The following TIMM44 variants were observed in gnomAD, a reference collection of about 807,000 sequenced individuals.
TIMM44 encodes mitochondrial import inner membrane translocase subunit TIM44.
A neutral mutation model predicts 63.8 loss-of-function variants in TIMM44; 37 were observed. That is an observed-to-expected ratio of 0.58 (90% CI 0.45 to 0.76). The LOEUF is 0.76. Ranked by LOEUF, TIMM44 falls within the 30% of genes least tolerant of loss-of-function variation. The pLI is 0.00. For missense variants in TIMM44, 573 were observed against 603.8 expected, an observed-to-expected ratio of 0.95 and a Z score of 0.54; for synonymous variants, 239 against 245.1, an observed-to-expected ratio of 0.98 and a Z score of 0.23.
At position 7,938,030 on chromosome 19, in the gene TIMM44, T is replaced by A; in HGVS notation, c.309A>T (p.Lys103Asn). 1 of 1,614,012 alleles carries A rather than the reference T, an allele frequency of 6.2e-7. No homozygotes were observed. Among genetic ancestry groups the A allele is most frequent in the South Asian group, 1.1e-5 (1 of 91,082 alleles). Residue 103 changes from lysine (K) to asparagine (N), a missense_variant, in exon 3 of 13, where the codon AAA becomes AAT. By Grantham distance (94) the Lys-to-Asn change is moderately conservative. Transcript: ENST00000270538. Reference protein sequence around the residue: ...ESDVLQEARRKYKTIESETVR... With the variant: ...ESDVLQEARRNYKTIESETVR... The stretch of plus-strand genomic sequence containing the variant: ...AAAAAGCAGCAAAGAAACTCACGTA[T>A]TTCCTTCTGGCCTCCTGGAGCACGT...
rs1206317938 is a variant in TIMM44 at position 7,932,868 on chromosome 19, G to C, written c.834C>G (p.Ala278=). The C allele has an allele frequency of 1.9e-6, 3 of 1,614,220 alleles. No individual in the cohort carries two copies. The highest frequency in any genetic ancestry group is 2.5e-6 in the Non-Finnish European group (3 of 1,180,034). ...SDNAFIRASR[A]LTDKVTDLLG... The stretch of plus-strand genomic sequence containing the variant: ...GCAAGTCGGTGACCTTGTCCGTAAG[G>C]GCCCGGGATGCCCGGATGAACGCGT... The change falls in exon 8 of 13, where the codon GCC becomes GCG. Residue 278 remains alanine (A), a synonymous_variant. Coordinates refer to ENST00000270538, the MANE Select transcript of TIMM44 (RefSeq NM_006351.4).
At chr19:7,928,403 A>C (rs904762548) in intron 10 of TIMM44, 1 of 546,232 alleles carries the variant, frequency 1.8e-6, no homozygotes, top group Non-Finnish European at 3.3e-6. Flanking sequence ...AAACAGGATT[A>C]ATCAGCAAAG....
intron 3 of TIMM44, among the ~76,000 whole-genome samples, chr19:7,936,739 G>C (rs544872350): frequency 6.6e-6 from 1 of 152,136 alleles, no homozygotes; most frequent in South Asian, 2.1e-4. Flanking sequence ...AAGCTGAGAC[G>C]GGCAGATCAC....
In TIMM44 at chr19:7,934,487, G is replaced by GGCACCCCCAGAGCCACGAGCACACCA. The variant is rs1211161683; in HGVS notation, c.394-250_394-249insTGGTGTGCTCGTGGCTCTGGGGGTGC. Reference sequence around the variant, plus strand: ...GCACCCCCAGAGCCATGAGCACACCGGCACCCCCAGAGCCATGAGCACACC... The same window carrying GGCACCCCCAGAGCCACGAGCACACCA: ...GCACCCCCAGAGCCATGAGCACACCGGCACCCCCAGAGCCACGAGCACACCAGCACCCCCAGAGCCATGAGCACACC... On this transcript the variant is annotated intron_variant, in intron 4 of 12. Coordinates refer to ENST00000270538, the MANE Select transcript of TIMM44 (RefSeq NM_006351.4). The surrounding 1 kb of genome is among the most constrained non-coding windows in gnomAD (Gnocchi z 5.3). 5.2e-3 allele frequency among the ~76,000 whole-genome samples: 778 copies of GGCACCCCCAGAGCCACGAGCACACCA among 148,240 alleles called. 10 individuals carry two copies. Among genetic ancestry groups the GGCACCCCCAGAGCCACGAGCACACCA allele is most frequent in the African/African-American group, 0.015 (577 of 39,266 alleles).
chr19:7,927,622 G>A (rs1268671772), intron 12 of TIMM44, 35 bp downstream of exon 12: 1 of 1,581,510 alleles, frequency 6.3e-7, no homozygotes, highest in African/African-American at 1.3e-5. Flanking sequence ...GACAGGCGGT[G>A]TCATGTGCCT....
intron 11 of TIMM44, 88 bp downstream of exon 11, chr19:7,927,988 AG>A: frequency 7.5e-7 from 1 of 1,333,502 alleles, no homozygotes; most frequent in Non-Finnish European, 1.1e-6. Context: ...CATGGCCCCC[AG>A]CCCCTGGCAA....
intron 3 of TIMM44, among the ~76,000 whole-genome samples, chr19:7,936,169 G>A (rs573126680): frequency 4.4e-4 from 67 of 151,820 alleles, no homozygotes; most frequent in Admixed American, 9.2e-4. Context: ...AACCAAACTA[G>A]GCTGGGCACG....
intron 3 of TIMM44, 89 bp from the exon 4 acceptor site, chr19:7,935,234 C>A (rs928296841): frequency 1.7e-6 from 2 of 1,170,510 alleles, no homozygotes; most frequent in Admixed American, 2.1e-5. Flanking sequence ...GGCACGCTCT[C>A]GGCTCACTGC....
At chr19:7,935,360 T>C (rs1436681795) in intron 3 of TIMM44, 1 of 538,482 alleles carries the variant, frequency 1.9e-6, no homozygotes, top group African/African-American at 1.9e-5. Flanking sequence ...AGACAGGGTT[T>C]TACCACGTTG....
intron 10 of TIMM44, among the ~76,000 whole-genome samples, chr19:7,930,101 A>G (rs1488129692): frequency 3.3e-5 from 5 of 151,824 alleles, no homozygotes; most frequent in Non-Finnish European, 7.4e-5. Context: ...CGCCCGCCTC[A>G]GCCTCCCAAG....
chr19:7,931,219 CGA>C (rs749877828), intron 9 of TIMM44, 31 bp from the exon 10 acceptor site: 6 of 1,604,250 alleles, frequency 3.7e-6, no homozygotes, highest in Non-Finnish European at 4.3e-6. Flanking sequence ...AGCACCAGAA[CGA>C]GAGTGGGCTT....
chr19:7,931,545 C>T (rs934371975), intron 9 of TIMM44: 7 of 341,304 alleles, frequency 2.1e-5, no homozygotes, highest in Non-Finnish European at 3.4e-5. Flanking sequence ...GACCCAACTC[C>T]GGCTCCCGCA....
At chr19:7,930,186 G>GCT (rs1983939314) in intron 10 of TIMM44, among the ~76,000 whole-genome samples, 1 of 151,964 alleles carries the variant, frequency 6.6e-6, no homozygotes, top group South Asian at 2.1e-4. Context: ...TGTCACCCAG[G>GCT]CTGGAGTGCT....
At chr19:7,935,462 G>A (rs1314108329) in intron 3 of TIMM44, among the ~76,000 whole-genome samples, 1 of 152,188 alleles carries the variant, frequency 6.6e-6, no homozygotes, top group Admixed American at 6.5e-5. Context: ...ACTGTGCCTG[G>A]CCAACCGTTG....
chr19:7,930,008 C>T (rs1204152874), intron 10 of TIMM44, among the ~76,000 whole-genome samples: 2 of 151,804 alleles, frequency 1.3e-5, no homozygotes, highest in Non-Finnish European at 2.9e-5. Context: ...ACCACCAGGC[C>T]TGGCTAATTT....
chr19:7,934,477 T>G lies in TIMM44; in HGVS notation c.394-239A>C, dbSNP rs55932674. On this transcript the variant is annotated intron_variant, in intron 4 of 12. Coordinates refer to ENST00000270538, the MANE Select transcript of TIMM44 (RefSeq NM_006351.4). This position sits in a 1 kb window ranked among gnomAD's most constrained non-coding sequence, Gnocchi z 5.3. The stretch of plus-strand genomic sequence containing the variant: ...GAGCACACCGGCACCCCCAGAGCCA[T>G]GAGCACACCGGCACCCCCAGAGCCA... Among the ~76,000 whole-genome samples, 1 of 130,672 alleles carries G rather than the reference T, an allele frequency of 7.7e-6. No homozygotes were observed. The highest frequency in any genetic ancestry group is 8.5e-5 in the Admixed American group (1 of 11,806). 85.7% of individuals were successfully genotyped at this position (130,672 alleles called of 152,430 possible). A position where few individuals can be genotyped will look rare whatever the true frequency, so the allele number is the denominator to read the frequency against.
At chr19:7,935,978 G>T (rs1984143148) in intron 3 of TIMM44, among the ~76,000 whole-genome samples, 2 of 152,142 alleles carry the variant, frequency 1.3e-5, no homozygotes, top group South Asian at 4.1e-4. Flanking sequence ...AACATGGCGA[G>T]ACCCTGTCTC....
At chr19:7,937,741 A>G in intron 3 of TIMM44, 1 of 388,778 alleles carries the variant, frequency 2.6e-6, no homozygotes, top group Non-Finnish European at 4.8e-6. Context: ...AAAGGGGCCC[A>G]ACGCGGTGGC....
Position 7,937,890 on chromosome 19 carries a change from C to CAT in TIMM44, c.312+136_312+137insAT. The CAT allele has an allele frequency of 5.8e-6, 6 of 1,029,830 alleles. 1 individual carries two copies. In the Middle Eastern group the frequency reaches 1.6e-3, roughly 266 times the overall value. The allele number at this position is 1,029,830 out of a possible 1,614,324, so 63.8% of individuals were successfully genotyped here. On this transcript the variant is annotated intron_variant, in intron 3 of 12. Coordinates refer to ENST00000270538, the MANE Select transcript of TIMM44 (RefSeq NM_006351.4). The stretch of plus-strand genomic sequence containing the variant: ...AAAATTAGCTGGGCGTGGTGGTGCG[C>CAT]GCCTGTAAGCCCAGCTACTCAGGAG...
Sources: allele counts gnomAD v4.1 joint callset (sites outside exome capture counted in the v4.1 genomes callset), GRCh38; gene constraint gnomAD v4.1.1; non-coding constraint Gnocchi (gnomAD v3.1); transcripts MANE v1.5; gene names NCBI Gene and HGNC (gene_info 2026-07-23, HGNC 2026-07-21).